Variants in GSTCD observed in about 807,000 individuals in gnomAD.
GSTCD encodes the protein glutathione S-transferase C-terminal domain containing, also known as glutathione S-transferase C-terminal domain-containing protein.
In GSTCD, 44 loss-of-function variants were observed where a neutral mutation model predicts 68.3. The ratio of observed to expected loss-of-function variants is 0.64; its 90% CI spans 0.51 to 0.83. The LOEUF (loss-of-function observed/expected upper bound fraction) is 0.83. Ranked by LOEUF, GSTCD falls within the 40% of genes least tolerant of loss-of-function variation. GSTCD has a pLI of 0.00. For missense variants in GSTCD, 739 were observed against 735.9 expected, an observed-to-expected ratio of 1.00 and a Z score of -0.05; for synonymous variants, 273 against 255.2, an observed-to-expected ratio of 1.07 and a Z score of -0.67.
chr4:105,772,256 T>G (rs191543136), intron 5 of GSTCD, among the ~76,000 whole-genome samples: 1 of 152,306 alleles, frequency 6.6e-6, no homozygotes, highest in African/African-American at 2.4e-5. Context: ...TAAGGAGTTT[T>G]GGGGCTAAGA....
chr4:105,845,792 A>T lies in GSTCD; in HGVS notation c.*215A>T, dbSNP rs182949214. The stretch of plus-strand genomic sequence containing the variant: ...TGTGATTAAAGGACTGCTGGTTTTT[A>T]TAGTGAGAATCCCCTGAAGTCTCAG... On this transcript the variant is annotated 3_prime_UTR_variant, in exon 12 of 12. Transcript: ENST00000515279. 1.2e-3 allele frequency: 636 copies of T among 526,878 alleles called. 5 individuals carry two copies. The highest frequency in any genetic ancestry group is 3.6e-3 in the Middle Eastern group (7 of 1,960). The allele number at this position is 526,878 out of a possible 1,614,324, so 32.6% of individuals were successfully genotyped here.
At chr4:105,788,613 AAAAAGT>A (rs1240794662) in intron 5 of GSTCD, among the ~76,000 whole-genome samples, 1 of 152,064 alleles carries the variant, frequency 6.6e-6, no homozygotes, top group Non-Finnish European at 1.5e-5. Context: ...CTCACTTAAA[AAAAAGT>A]AGTAGTTTCC....
intron 5 of GSTCD, among the ~76,000 whole-genome samples, chr4:105,753,802 G>A (rs575164182): frequency 6.6e-5 from 10 of 152,116 alleles, no homozygotes; most frequent in African/African-American, 2.4e-4. Flanking sequence ...TATAGTTAAT[G>A]CAAAACTAGC....
intron 5 of GSTCD, among the ~76,000 whole-genome samples, chr4:105,765,806 A>G (rs1198172694): frequency 6.6e-6 from 1 of 152,148 alleles, no homozygotes; most frequent in Non-Finnish European, 1.5e-5. Flanking sequence ...TGATGGTTTT[A>G]TAAGGGGCTT....
At chr4:105,710,118 A>G (rs575027325) in intron 1 of GSTCD, among the ~76,000 whole-genome samples, 5 of 152,240 alleles carry the variant, frequency 3.3e-5, no homozygotes, top group African/African-American at 4.8e-5. Flanking sequence ...GAAAAGGTCA[A>G]TGAGATTTGA....
chr4:105,792,569 G>A (rs1235771335), intron 5 of GSTCD, among the ~76,000 whole-genome samples: 4 of 151,958 alleles, frequency 2.6e-5, no homozygotes, highest in South Asian at 4.2e-4. Flanking sequence ...TACTAGAGCC[G>A]AATTAGACTG....
chr4:105,725,067 A>G (rs1249194865), intron 3 of GSTCD, among the ~76,000 whole-genome samples: 1 of 144,042 alleles, frequency 6.9e-6, no homozygotes, highest in Non-Finnish European at 1.5e-5. Context: ...TGAAAGATGT[A>G]GACAATTGAA....
intron 5 of GSTCD, among the ~76,000 whole-genome samples, chr4:105,756,087 T>A (rs1734178345): frequency 6.6e-6 from 1 of 152,142 alleles, no homozygotes; most frequent in South Asian, 2.1e-4. Flanking sequence ...AGGATACAGA[T>A]GAACAACAGA....
chr4:105,755,026 C>A (rs1244549487), intron 5 of GSTCD, among the ~76,000 whole-genome samples: 1 of 116,272 alleles, frequency 8.6e-6, no homozygotes, highest in Admixed American at 1.2e-4. Context: ...TCAAGACCAG[C>A]CTGAGCAACA....
chr4:105,834,719 T>G (rs1724042182), intron 9 of GSTCD, 125 bp downstream of exon 9: 5 of 752,812 alleles, frequency 6.6e-6, no homozygotes, highest in Non-Finnish European at 1.1e-5. Flanking sequence ...ATGCCAAATA[T>G]TGTTTGTAAA....
chr4:105,800,631 A>T (rs1415587187), intron 5 of GSTCD, among the ~76,000 whole-genome samples: 1 of 152,234 alleles, frequency 6.6e-6, no homozygotes, highest in African/African-American at 2.4e-5. Flanking sequence ...AAATTATTCC[A>T]CACATAGGCA....
At chr4:105,772,651 G>T (rs1331329288) in intron 5 of GSTCD, among the ~76,000 whole-genome samples, 1 of 152,106 alleles carries the variant, frequency 6.6e-6, no homozygotes, top group African/African-American at 2.4e-5. Flanking sequence ...TTATATGATG[G>T]ATTACATTTA....
rs188017107 is a variant in GSTCD at position 105,782,707 on chromosome 4, C to G, written c.1241-40247C>G. On this transcript the variant is annotated intron_variant, in intron 5 of 11. Transcript: ENST00000515279. ...AAACGATTCTCATGCCTCAGGTCCC[C>G]TAGTAGCTGGGATTACAGGCATGCA... 3.9e-5 allele frequency among the ~76,000 whole-genome samples: 6 copies of G among 152,112 alleles called. No homozygotes were observed. In the East Asian group the frequency reaches 1.2e-3, roughly 29 times the overall value.
At chr4:105,824,872 A>G (rs1057173982) in intron 7 of GSTCD, among the ~76,000 whole-genome samples, 3 of 151,950 alleles carry the variant, frequency 2.0e-5, no homozygotes, top group Non-Finnish European at 4.4e-5. Context: ...ATTCTTTCTC[A>G]TCTTGGGCCT....
chr4:105,833,903 C>T (rs1724005751), intron 8 of GSTCD, among the ~76,000 whole-genome samples: 1 of 152,034 alleles, frequency 6.6e-6, no homozygotes. Context: ...TGTAACTCAT[C>T]ATTCAATGTT....
intron 4 of GSTCD, among the ~76,000 whole-genome samples, chr4:105,727,708 C>T (rs72671861): frequency 0.054 from 8,098 of 151,038 alleles, 252 homozygotes; most frequent in Middle Eastern, 0.14. Flanking sequence ...AAAAAGAATG[C>T]ATATGCTTTA....
intron 5 of GSTCD, among the ~76,000 whole-genome samples, chr4:105,802,792 G>A (rs1328158282): frequency 4.0e-5 from 6 of 151,860 alleles, no homozygotes; most frequent in African/African-American, 9.7e-5. Flanking sequence ...ATAATGTGGC[G>A]TTTGCTATGT....
chr4:105,741,167 A>G (rs1733618384), intron 5 of GSTCD, among the ~76,000 whole-genome samples: 1 of 151,978 alleles, frequency 6.6e-6, no homozygotes, highest in Admixed American at 6.5e-5. Flanking sequence ...ATGCTACCTA[A>G]TATTGCCTGT....
chr4:105,822,865 C>T lies in GSTCD; in HGVS notation c.1241-89C>T, dbSNP rs535970419. Reference sequence around the variant, plus strand: ...TGTGTATGCTCCTCCCCCTCCTCCTCCTCTATGCTGGTAGTCTATTTTAAG... The same window carrying T: ...TGTGTATGCTCCTCCCCCTCCTCCTTCTCTATGCTGGTAGTCTATTTTAAG... On this transcript the variant is annotated intron_variant, in intron 5 of 11. Coordinates refer to ENST00000515279, the MANE Select transcript of GSTCD (RefSeq NM_001370181.1). 33 of 841,724 alleles carry T rather than the reference C, an allele frequency of 3.9e-5. No homozygotes were observed. In the East Asian group the frequency reaches 7.5e-4, roughly 19 times the overall value. The allele number at this position is 841,724 out of a possible 1,614,324, so 52.1% of individuals were successfully genotyped here. A position where few individuals can be genotyped will look rare whatever the true frequency, so the allele number is the denominator to read the frequency against.
Sources: gnomAD v4.1 joint callset for allele counts (sites outside exome capture counted in the v4.1 genomes callset) on GRCh38, gnomAD v4.1.1 for gene constraint, MANE v1.5 for transcripts, NCBI Gene and HGNC (gene_info 2026-07-23, HGNC 2026-07-21) for gene names.